Variants in SEH1L observed in about 807,000 individuals in gnomAD.
The protein encoded by SEH1L is nucleoporin SEH1.
In SEH1L, 18 loss-of-function variants were observed where a neutral mutation model predicts 49.5. The ratio of observed to expected loss-of-function variants is 0.36; its 90% CI spans 0.25 to 0.54. SEH1L has a LOEUF of 0.54. SEH1L is among the 20% of genes least tolerant of loss of function. The probability of loss-of-function intolerance (pLI) is 0.87; values close to 1 mark genes in which losing one functional copy is unlikely to be tolerated. For synonymous variants in SEH1L, 169 were observed against 178.1 expected (o/e 0.95, Z 0.41); for missense variants, 404 against 528.8 (o/e 0.76, Z 2.31).
At chr18:12,985,163 C>G in intron 8 of SEH1L, 1 of 1,471,828 alleles carries the variant, frequency 6.8e-7, no homozygotes, top group African/African-American at 1.4e-5. Context: ...GATCTGTATT[C>G]TTATTGTGCC....
chr18:12,960,990 G>A (rs115089753), intron 3 of SEH1L, among the ~76,000 whole-genome samples: 4,617 of 152,302 alleles, frequency 0.03, 210 homozygotes, highest in African/African-American at 0.1. Flanking sequence ...CCAAGTGGGT[G>A]ACTTGAGAGA....
chr18:12,985,345 G>A (rs1004584688), intron 8 of SEH1L: 10 of 1,546,788 alleles, frequency 6.5e-6, no homozygotes, highest in Admixed American at 2.0e-5. Context: ...CCCCAGCGCC[G>A]TTTGACCTCT....
chr18:12,985,026 C>T (rs762467307), intron 8 of SEH1L: 15 of 420,120 alleles, frequency 3.6e-5, no homozygotes, highest in East Asian at 2.6e-4. Context: ...TTCAGGTTAC[C>T]GTGGAAGATA....
chr18:12,987,158 C>A lies in SEH1L; in HGVS notation c.*101C>A. The A allele has an allele frequency of 2.3e-6, 2 of 868,236 alleles. No individual in the cohort carries two copies. Among genetic ancestry groups the A allele is most frequent in the Non-Finnish European group, 3.5e-6 (2 of 571,614 alleles). The allele number at this position is 868,236 out of a possible 1,614,324, so 53.8% of individuals were successfully genotyped here. On this transcript the variant is annotated 3_prime_UTR_variant, in exon 9 of 9. Transcript: ENST00000399892. ...ATTTTCTTTCAGAAGATTTTTCTAA[C>A]TTAGGGTCTGTCTTGCATGTATTAC...
intron 4 of SEH1L, among the ~76,000 whole-genome samples, chr18:12,965,934 C>T (rs2031429877): frequency 6.6e-6 from 1 of 152,062 alleles, no homozygotes; most frequent in South Asian, 2.1e-4. Flanking sequence ...TAGACAGACC[C>T]TTCCATACTC....
At chr18:12,969,458 G>C (rs2031599637) in intron 4 of SEH1L, among the ~76,000 whole-genome samples, 1 of 151,854 alleles carries the variant, frequency 6.6e-6, no homozygotes, top group Non-Finnish European at 1.5e-5. Context: ...GGGAGGCCGA[G>C]GTGGGCGGAT....
chr18:12,949,821 C>T (rs2030405400), intron 1 of SEH1L, among the ~76,000 whole-genome samples: 1 of 151,962 alleles, frequency 6.6e-6, no homozygotes, highest in Non-Finnish European at 1.5e-5. Flanking sequence ...TGTGCAGCGT[C>T]GCCCCTGCCC....
At chr18:12,964,510 ATATCT>A (rs2031344199) in intron 4 of SEH1L, 1 of 152,010 alleles carries the variant, frequency 6.6e-6, no homozygotes, top group Admixed American at 6.5e-5. Flanking sequence ...GACTAGATAG[ATATCT>A]TATTTGTGGT....
chr18:12,966,942 A>G (rs1057278749), intron 4 of SEH1L, among the ~76,000 whole-genome samples: 11 of 152,158 alleles, frequency 7.2e-5, no homozygotes, highest in Admixed American at 7.2e-4. Flanking sequence ...CCCATCATTG[A>G]ATTTTTGTAT....
At chr18:12,957,007 G>T (rs2030903149) in intron 3 of SEH1L, among the ~76,000 whole-genome samples, 1 of 151,778 alleles carries the variant, frequency 6.6e-6, no homozygotes, top group South Asian at 2.1e-4. Context: ...GGCGGAGCTT[G>T]CAGTGAGCCG....
chr18:12,977,157 G>T (rs577871046), intron 5 of SEH1L: 1 of 152,250 alleles, frequency 6.6e-6, no homozygotes, highest in Non-Finnish European at 1.5e-5. Flanking sequence ...GTGTGTACCA[G>T]CTTGGTAGAG....
chr18:12,982,963 T>A (rs974034737), intron 7 of SEH1L: 11 of 203,620 alleles, frequency 5.4e-5, no homozygotes, highest in African/African-American at 2.6e-4. Context: ...GTACCTTACA[T>A]GACTGCTCTA....
intron 8 of SEH1L, 34 bp downstream of exon 8, chr18:12,984,224 T>G: frequency 6.2e-7 from 1 of 1,603,508 alleles, no homozygotes; most frequent in Non-Finnish European, 8.5e-7. Flanking sequence ...GGAAATCATC[T>G]TTGTTTTAAA....
At chr18:12,981,616 G>A (rs2032263722) in intron 6 of SEH1L, among the ~76,000 whole-genome samples, 2 of 152,184 alleles carry the variant, frequency 1.3e-5, no homozygotes, top group South Asian at 2.1e-4. Flanking sequence ...GGGGAATTGA[G>A]TCAAGAGCAG....
At chr18:12,971,008 C>T (rs1161284753) in intron 4 of SEH1L, 145 bp from the exon 5 acceptor site, 3 of 600,604 alleles carry the variant, frequency 5.0e-6, no homozygotes, top group African/African-American at 3.7e-5. Context: ...GTGGCCATGT[C>T]AGCTATGTGG....
intron 3 of SEH1L, among the ~76,000 whole-genome samples, chr18:12,959,886 A>G (rs1727059736): frequency 6.6e-6 from 1 of 152,190 alleles, no homozygotes; most frequent in Admixed American, 6.5e-5. Context: ...GAGAGCAAAC[A>G]CTGAGTCACC....
chr18:12,977,003 T>C (rs2031953820), intron 5 of SEH1L: 1 of 151,760 alleles, frequency 6.6e-6, no homozygotes, highest in South Asian at 2.1e-4. Context: ...ATATTCTGAT[T>C]GTGTAGGCCC....
intron 3 of SEH1L, among the ~76,000 whole-genome samples, chr18:12,956,006 CTT>C (rs112254211): frequency 9.7e-5 from 13 of 134,468 alleles, no homozygotes; most frequent in African/African-American, 2.2e-4. Flanking sequence ...CTCTAAAATT[CTT>C]TTTTTTTTTT....
chr18:12,979,029 T>C (rs56263236), intron 6 of SEH1L, 137 bp downstream of exon 6: 297,364 of 810,876 alleles, frequency 0.37, 56,916 homozygotes, highest in Admixed American at 0.43. Flanking sequence ...ATGTAAACTT[T>C]GAAATGTTTT....
Sources: allele counts gnomAD v4.1 joint callset (sites outside exome capture counted in the v4.1 genomes callset), GRCh38; gene constraint gnomAD v4.1.1; transcripts MANE v1.5; gene names NCBI Gene and HGNC (gene_info 2026-07-23, HGNC 2026-07-21).